Variants in MAP3K1 observed in about 807,000 individuals in gnomAD.
MAP3K1 encodes the protein mitogen-activated protein kinase kinase kinase 1.
Under a neutral mutation model 144.2 loss-of-function variants are expected in MAP3K1, and 36 were observed. The observed-to-expected ratio is 0.25, with a 90% CI of 0.19 to 0.33. The LOEUF (loss-of-function observed/expected upper bound fraction) is 0.33, where lower values mean the gene tolerates loss of function less well. MAP3K1 is among the 10% of genes least tolerant of loss of function. MAP3K1 has a pLI of 1.00. For synonymous variants in MAP3K1, 718 were observed against 688.7 expected, an observed-to-expected ratio of 1.04 and a Z score of -0.67; for missense variants, 1,650 against 1,881.9, an observed-to-expected ratio of 0.88 and a Z score of 2.28.
Position 56,882,254 on chromosome 5 carries a change from T to G in MAP3K1, c.3054T>G (p.Ser1018=), listed in dbSNP as rs758010402. 2 of 1,614,114 alleles carry G rather than the reference T, an allele frequency of 1.2e-6. No individual in the cohort carries two copies. The highest frequency in any genetic ancestry group is 1.7e-6 in the Non-Finnish European group (2 of 1,179,982). The change falls in exon 14 of 20, where the codon TCT becomes TCG. Residue 1018 remains serine, a synonymous_variant. Transcript: ENST00000399503. ...TTCCCTGCAGAATACCTTCTGCATC[T>G]CCTCAAACACAGCGCAAGTTTTCTC... ...GFIPCRIPSA[S]PQTQRKFSLQ...
intron 2 of MAP3K1, among the ~76,000 whole-genome samples, chr5:56,858,355 T>G (rs920835918): frequency 6.6e-6 from 1 of 152,178 alleles, no homozygotes; most frequent in African/African-American, 2.4e-5. Flanking sequence ...TAAAACAAAA[T>G]TTTGGTTTTT....
rs9687226 is a variant in MAP3K1 at position 56,880,619 on chromosome 5, C to T, written c.2088-92C>T. 55,332 of 822,816 alleles carry T rather than the reference C, an allele frequency of 0.067. 2,096 individuals are homozygous for T. The highest frequency in any genetic ancestry group is 0.14 in the East Asian group (5,482 of 39,608). The allele number at this position is 822,816 out of a possible 1,614,324, so 51.0% of individuals were successfully genotyped here. The stretch of plus-strand genomic sequence containing the variant: ...AACACTCCTGAAAACATTATTTCTC[C>T]ACTTTTTCACAAGGCATTACATTAC... On this transcript the variant is annotated intron_variant, in intron 11 of 19. Coordinates refer to ENST00000399503, the MANE Select transcript of MAP3K1 (RefSeq NM_005921.2).
intron 6 of MAP3K1, among the ~76,000 whole-genome samples, chr5:56,870,365 T>C (rs1203872402): frequency 4.6e-5 from 7 of 152,198 alleles, no homozygotes; most frequent in Admixed American, 4.6e-4. Context: ...ATAATGAAAA[T>C]ACGGCTATTG....
At chr5:56,855,894 A>G (rs771889484) in intron 1 of MAP3K1, among the ~76,000 whole-genome samples, 6 of 152,188 alleles carry the variant, frequency 3.9e-5, no homozygotes, top group Non-Finnish European at 5.9e-5. Context: ...GGATATGGGT[A>G]TATTTTAAAA....
At chr5:56,820,571 TTAGTGTTGAA>T in intron 1 of MAP3K1, 1 of 985,262 alleles carries the variant, frequency 1.0e-6, no homozygotes, top group African/African-American at 1.7e-5. Context: ...GGGTTAGTCA[TTAGTGTTGAA>T]TGTTTCTTAG....
At chr5:56,827,835 G>A (rs1458249104) in intron 1 of MAP3K1, among the ~76,000 whole-genome samples, 3 of 151,612 alleles carry the variant, frequency 2.0e-5, no homozygotes, top group Admixed American at 2.0e-4. Flanking sequence ...CTGCTCTCCA[G>A]CCTGGGTGAC....
At position 56,895,712 on chromosome 5, in the gene MAP3K1, C is replaced by T. The variant is rs1748683585; in HGVS notation, c.*2032C>T. On this transcript the variant is annotated 3_prime_UTR_variant, in exon 20 of 20. Transcript: ENST00000399503. ...TTCAATGCAAATGTGATGTAATATT[C>T]TTATTTTCTTTGGATCAAAGCTGGA... The T allele has an allele frequency of 4.3e-6, 1 of 231,880 alleles. No homozygotes were observed. The highest frequency in any genetic ancestry group is 1.8e-4 in the South Asian group (1 of 5,522). The allele number at this position is 231,880 out of a possible 1,614,324, so 14.4% of individuals were successfully genotyped here.
chr5:56,875,947 C>T lies in MAP3K1; in HGVS notation c.1965+637C>T, dbSNP rs183149509. Among the ~76,000 whole-genome samples the T allele has an allele frequency of 3.9e-5, 6 of 152,158 alleles. No homozygotes were observed. In the East Asian group the frequency reaches 1.2e-3, roughly 29 times the overall value. ...AACATTTTGATTGATTTTTAATAAA[C>T]ATTGTCATGTGGAGATTCAAAAGCC... On this transcript the variant is annotated intron_variant, in intron 10 of 19. Coordinates refer to ENST00000399503, the MANE Select transcript of MAP3K1 (RefSeq NM_005921.2).
intron 1 of MAP3K1, among the ~76,000 whole-genome samples, chr5:56,851,108 G>A (rs1747155896): frequency 9.6e-6 from 1 of 103,656 alleles, no homozygotes; most frequent in Non-Finnish European, 2.6e-5. Context: ...CACTATGCCC[G>A]GCTAATTTTG....
chr5:56,851,642 G>C (rs1470164024), intron 1 of MAP3K1, among the ~76,000 whole-genome samples: 1 of 152,182 alleles, frequency 6.6e-6, no homozygotes, highest in Non-Finnish European at 1.5e-5. Flanking sequence ...TCTTCCTGCA[G>C]TAACACTATT....
At position 56,881,579 on chromosome 5, in the gene MAP3K1, G is replaced by A; in HGVS notation, c.2379G>A (p.Lys793=). The A allele has an allele frequency of 6.2e-7, 1 of 1,611,982 alleles. No individual in the cohort carries two copies. Among genetic ancestry groups the A allele is most frequent in the Non-Finnish European group, 8.5e-7 (1 of 1,178,452 alleles). Residue 793 remains lysine (K), a synonymous_variant, in exon 14 of 20, where the codon AAG becomes AAA. Coordinates refer to ENST00000399503, the MANE Select transcript of MAP3K1 (RefSeq NM_005921.2). ...TGTTTTTTTCTTTCAGGTATAAGAA[G>A]CTGCTGTCCCTCTTAACCTTTGCTT... ...QAEPVEIRYK[K]LLSLLTFALQ... is the part of the protein sequence containing the mutation.
chr5:56,845,712 A>G lies in MAP3K1; in HGVS notation c.483-10888A>G, dbSNP rs572719496. Among the ~76,000 whole-genome samples, 14 of 152,318 alleles carry G rather than the reference A, an allele frequency of 9.2e-5. No homozygotes were observed. In the South Asian group the frequency reaches 2.5e-3, roughly 27 times the overall value. ...ACAATTAGGGAAGAGGATACTCACA[A>G]TGTTTCATTTTTCCCCAAAGGTTTC... On this transcript the variant is annotated intron_variant, in intron 1 of 19. Transcript: ENST00000399503.
At chr5:56,879,211 A>G (rs1748131020) in intron 11 of MAP3K1, 110 bp downstream of exon 11, 5 of 1,339,186 alleles carry the variant, frequency 3.7e-6, no homozygotes, top group Non-Finnish European at 5.4e-6. Flanking sequence ...TGAGTCTTTG[A>G]ACATTGTCTT....
At chr5:56,882,986 C>A in intron 14 of MAP3K1, 120 bp downstream of exon 14, 1 of 763,268 alleles carries the variant, frequency 1.3e-6, no homozygotes, top group Non-Finnish European at 2.1e-6. Context: ...CACAGGAGTT[C>A]GAAACTAGCC....
At position 56,865,954 on chromosome 5, in the gene MAP3K1, T is replaced by G; in HGVS notation, c.1278T>G (p.Thr426=). The G allele has an allele frequency of 3.1e-6, 5 of 1,611,522 alleles. No homozygotes were observed. Among genetic ancestry groups the G allele is most frequent in the Non-Finnish European group, 4.2e-6 (5 of 1,177,578 alleles). The change falls in exon 6 of 20, where the codon ACT becomes ACG. Residue 426 remains threonine (T), a synonymous_variant. Transcript: ENST00000399503. Reference sequence around the variant, plus strand: ...CTCATACATTGTCATCATCTAGTACTTCTACGTCTAGTTCAGAAAACAGGT... The same window carrying G: ...CTCATACATTGTCATCATCTAGTACGTCTACGTCTAGTTCAGAAAACAGGT... ...SNSHTLSSSS[T]STSSSENSIK... is the part of the protein sequence containing the mutation.
Position 56,882,392 on chromosome 5 carries a change from A to G in MAP3K1, c.3192A>G (p.Arg1064=), listed in dbSNP as rs376311031. 6.2e-7 allele frequency: 1 copy of G among 1,613,994 alleles called. No individual in the cohort carries two copies. Among genetic ancestry groups the G allele is most frequent in the African/African-American group, 1.3e-5 (1 of 74,930 alleles). The part of the protein sequence containing the change: ...SSNIHRPKPS[R]PTPGNTSKQG... ...ACATACACAGGCCAAAGCCATCTAG[A>G]CCTACCCCAGGTAATACAAGTAAAC... is the stretch of plus-strand genomic sequence containing the variant. Residue 1064 remains arginine (R), a synonymous_variant, in exon 14 of 20, where the codon AGA becomes AGG. Transcript: ENST00000399503.
intron 1 of MAP3K1, among the ~76,000 whole-genome samples, chr5:56,851,500 G>A (rs1246571757): frequency 6.6e-6 from 1 of 152,126 alleles, no homozygotes; most frequent in East Asian, 1.9e-4. Flanking sequence ...CAGGGGACCC[G>A]TGTACAACTT....
intron 3 of MAP3K1, among the ~76,000 whole-genome samples, chr5:56,860,206 A>G (rs1406721238): frequency 6.6e-6 from 1 of 152,232 alleles, no homozygotes; most frequent in East Asian, 1.9e-4. Context: ...TGTAGAAACT[A>G]TATTCATTAT....
intron 16 of MAP3K1, 102 bp downstream of exon 16, chr5:56,884,928 T>C: frequency 8.8e-7 from 1 of 1,141,524 alleles, no homozygotes. Context: ...TCAAATAGTT[T>C]GGGTTTCTAA....
Sources: gnomAD v4.1 joint callset for allele counts (sites outside exome capture counted in the v4.1 genomes callset) on GRCh38, gnomAD v4.1.1 for gene constraint, MANE v1.5 for transcripts, NCBI Gene and HGNC (gene_info 2026-07-23, HGNC 2026-07-21) for gene names.